MYO19: variants seen among roughly 807,000 people sequenced by gnomAD.
MYO19 encodes unconventional myosin-XIX.
In MYO19, 132 loss-of-function variants were observed where a neutral mutation model predicts 129.2. The observed-to-expected ratio is 1.02, with a 90% confidence interval of 0.89 to 1.18. MYO19 has a LOEUF of 1.18. Ranked by LOEUF, MYO19 falls within the 50% of genes most tolerant of loss-of-function variation. The pLI, the probability that MYO19 is intolerant of heterozygous loss-of-function variation, is 0.00. For synonymous variants in MYO19, 531 were observed against 477.2 expected (o/e 1.11, Z -1.47); for missense variants, 1,210 against 1,216.7 (o/e 0.99, Z 0.08).
At chr17:36,542,592 G>C (rs1045749634) in intron 1 of MYO19, among the ~76,000 whole-genome samples, 3 of 151,786 alleles carry the variant, frequency 2.0e-5, no homozygotes, top group East Asian at 2.0e-4. Context: ...CCAGCTACTC[G>C]GGAGGCTGAG....
At chr17:36,538,222 G>C, upstream of MYO19, 1 of 1,613,090 alleles carries the variant, frequency 6.2e-7, no homozygotes, top group Non-Finnish European at 8.5e-7. Context: ...TTAGCCTTTT[G>C]TATTTGGATA....
Position 36,505,328 on chromosome 17 carries a change from T to C in MYO19, c.1874A>G (p.Gln625Arg). The C allele has an allele frequency of 1.2e-6, 2 of 1,614,270 alleles. No individual in the cohort carries two copies. Among genetic ancestry groups the C allele is most frequent in the Non-Finnish European group, 1.7e-6 (2 of 1,180,046 alleles). Residue 625 changes from glutamine (Q) to arginine (R), a missense_variant, in exon 19 of 26, where the codon CAG becomes CGG. Coordinates refer to ENST00000614623, the MANE Select transcript of MYO19 (RefSeq NM_001163735.2). ...TTGGAGAAAGGTCTGCGCCTGGCCC[T>C]GGCTGTTGGGCTTGATGCAGCGAAT... ...HYIRCIKPNS[Q>R]GQAQTFLQEE...
intron 2 of MYO19, among the ~76,000 whole-genome samples, chr17:36,541,211 C>T (rs1171418160): frequency 6.6e-6 from 1 of 152,072 alleles, no homozygotes; most frequent in African/African-American, 2.4e-5. Flanking sequence ...TCCCAAAGTG[C>T]TGGGATTACA....
rs57765074 is a variant in MYO19, at chr17:36,512,196, AACAC to A, written c.895-745_895-742del. Among the ~76,000 whole-genome samples the A allele has an allele frequency of 6.1e-3, 838 of 138,180 alleles. 13 individuals are homozygous for A. The highest frequency in any genetic ancestry group is 0.02 in the Admixed American group (277 of 13,940). The allele number at this position is 138,180 out of a possible 152,430, so 90.7% of individuals were successfully genotyped here. A position where few individuals can be genotyped will look rare whatever the true frequency, so the allele number is the denominator to read the frequency against. On this transcript the variant is annotated intron_variant, in intron 11 of 25. Transcript: ENST00000614623. ...TGAACCTCCATCTCTACTAAAAATAAACACACACACACACACACACACACACACA... is the reference window on the plus strand; with the variant it reads ...TGAACCTCCATCTCTACTAAAAATAAACACACACACACACACACACACACA...
upstream of MYO19, chr17:36,537,549 C>G: frequency 6.2e-7 from 1 of 1,614,106 alleles, no homozygotes; most frequent in South Asian, 1.1e-5. Flanking sequence ...TGTGGACTTC[C>G]CACTTTTTCC....
intron 2 of MYO19, chr17:36,533,464 CT>C (rs1288071600): frequency 1.3e-5 from 2 of 152,272 alleles, no homozygotes; most frequent in Non-Finnish European, 2.9e-5. Context: ...TTGGAATTTT[CT>C]AGGCCTTGGC....
chr17:36,505,083 C>T (rs1185325026), intron 19 of MYO19: 2 of 749,604 alleles, frequency 2.7e-6, no homozygotes, highest in African/African-American at 1.7e-5. Flanking sequence ...TGCACTGGAA[C>T]TTGCCTCCCT....
upstream of MYO19, chr17:36,534,953 G>C (rs1014580405): frequency 1.3e-5 from 2 of 152,442 alleles, no homozygotes; most frequent in Admixed American, 6.5e-5. Flanking sequence ...AGTGGCCGGG[G>C]GTCGGCCGGC....
At chr17:36,503,632 C>T (rs2071684101) in intron 20 of MYO19, among the ~76,000 whole-genome samples, 1 of 152,268 alleles carries the variant, frequency 6.6e-6, no homozygotes, top group Non-Finnish European at 1.5e-5. Flanking sequence ...CAAGGCAACA[C>T]TTCTCAGACA....
chr17:36,529,203 A>C (rs2073677699), intron 3 of MYO19, among the ~76,000 whole-genome samples: 1 of 151,574 alleles, frequency 6.6e-6, no homozygotes, highest in Non-Finnish European at 1.5e-5. Context: ...TCTGCTACCC[A>C]GGCTGCAGTG....
Position 36,500,944 on chromosome 17 carries a change from A to G in MYO19, c.2263T>C (p.Cys755Arg), listed in dbSNP as rs770207357. Reference protein sequence around the residue: ...MTDSMLELLECGRARVLEQCA... With the variant: ...MTDSMLELLERGRARVLEQCA... ...TGCTCCAGCACCCGGGCACGCCCACATTCCAGAAGCTCCAGCTGGGAGAAA... is the reference window on the plus strand; with the variant it reads ...TGCTCCAGCACCCGGGCACGCCCACGTTCCAGAAGCTCCAGCTGGGAGAAA... Residue 755 changes from cysteine (C) to arginine (R), a missense_variant, in exon 23 of 26, where the codon TGT (cysteine) becomes CGT (arginine). By Grantham distance (180) the Cys-to-Arg change is radical (BLOSUM62 -3). Transcript: ENST00000614623. 1 of 1,611,792 alleles carries G rather than the reference A, an allele frequency of 6.2e-7. No individual in the cohort carries two copies. The highest frequency in any genetic ancestry group is 8.5e-7 in the Non-Finnish European group (1 of 1,178,506).
rs780748686 is a variant in MYO19 at position 36,528,052 on chromosome 17, G to A, written c.151+12C>T. ...CTGGAGATGATACTCCTGAGGAATG[G>A]GAGGCCCATACCTGTCTCTAGTGTC... On this transcript the variant is annotated intron_variant, in intron 4 of 25. Transcript: ENST00000614623. The A allele has an allele frequency of 6.2e-7, 1 of 1,607,144 alleles. No individual in the cohort carries two copies. Among genetic ancestry groups the A allele is most frequent in the African/African-American group, 1.3e-5 (1 of 74,920 alleles).
At chr17:36,526,532 G>A (rs1361191072) in intron 5 of MYO19, among the ~76,000 whole-genome samples, 1 of 152,212 alleles carries the variant, frequency 6.6e-6, no homozygotes, top group African/African-American at 2.4e-5. Flanking sequence ...CCTCAGCAGA[G>A]ATAAACATAT....
intron 11 of MYO19, chr17:36,513,014 C>G: frequency 1.0e-6 from 1 of 952,642 alleles, no homozygotes; most frequent in Non-Finnish European, 1.4e-6. Flanking sequence ...CTTTACCTCT[C>G]TGGTTTTCTC....
At chr17:36,539,562 C>T (rs2074184836), upstream of MYO19, among the ~76,000 whole-genome samples, 1 of 151,702 alleles carries the variant, frequency 6.6e-6, no homozygotes, top group Non-Finnish European at 1.5e-5. Flanking sequence ...TTGCTTGGGC[C>T]CAGGAGTTCA....
At chr17:36,509,535 G>A (rs753373284) in intron 13 of MYO19, 2 of 219,990 alleles carry the variant, frequency 9.1e-6, no homozygotes, top group Non-Finnish European at 1.8e-5. Context: ...AAACTCTACC[G>A]GTGGAGCCCA....
At chr17:36,498,752 G>A (rs749472804) in intron 24 of MYO19, 193 bp from the exon 25 acceptor site, 133 of 624,360 alleles carry the variant, frequency 2.1e-4, no homozygotes, top group Non-Finnish European at 3.5e-4. Context: ...ACTGTGCTTA[G>A]GCCTTACATA....
chr17:36,528,016 C>T, intron 4 of MYO19, 48 bp downstream of exon 4: 1 of 1,590,716 alleles, frequency 6.3e-7, no homozygotes, highest in South Asian at 1.1e-5. Context: ...TCTCATTACA[C>T]CTCCAACCTC....
In MYO19 at chr17:36,495,647, T is replaced by A; in HGVS notation, c.*604A>T. 1.6e-6 allele frequency: 2 copies of A among 1,289,660 alleles called. No individual in the cohort carries two copies. The highest frequency in any genetic ancestry group is 2.0e-6 in the Non-Finnish European group (2 of 1,022,078). The allele number at this position is 1,289,660 out of a possible 1,614,324, so 79.9% of individuals were successfully genotyped here. A position where few individuals can be genotyped will look rare whatever the true frequency, so the allele number is the denominator to read the frequency against. ...TGACATTCAGATGATTGTTTTTAAA[T>A]GTTTTACTTTTGGTACAGTTGATAG... On this transcript the variant is annotated 3_prime_UTR_variant, in exon 26 of 26. Transcript: ENST00000614623.
Sources: allele counts gnomAD v4.1 joint callset (sites outside exome capture counted in the v4.1 genomes callset), GRCh38; gene constraint gnomAD v4.1.1; transcripts MANE v1.5; gene names NCBI Gene and HGNC (gene_info 2026-07-23, HGNC 2026-07-21).